NPAS2: variants seen among roughly 807,000 people sequenced by gnomAD.
NPAS2 encodes the protein neuronal PAS domain protein 2, also known as neuronal PAS domain-containing protein 2.
Under a neutral mutation model 107.5 loss-of-function variants are expected in NPAS2, and 23 were observed. That is an observed-to-expected ratio of 0.21 (90% CI 0.15 to 0.30). The LOEUF is 0.30. NPAS2 is among the 10% of genes least tolerant of loss of function. NPAS2 has a pLI of 1.00. For missense variants in NPAS2, 756 were observed against 1,043.3 expected (o/e 0.72, Z 3.79); for synonymous variants, 403 against 417.5 (o/e 0.97, Z 0.42).
At chr2:100,957,586 G>A (rs1012652908) in intron 7 of NPAS2, among the ~76,000 whole-genome samples, 4 of 152,240 alleles carry the variant, frequency 2.6e-5, no homozygotes, top group African/African-American at 9.6e-5. Flanking sequence ...AGCCCCACCT[G>A]ACCACTCTTA....
intron 2 of NPAS2, among the ~76,000 whole-genome samples, chr2:100,916,235 A>T (rs1460386508): frequency 6.6e-6 from 1 of 152,244 alleles, no homozygotes; most frequent in Admixed American, 6.5e-5. Flanking sequence ...TAGAAAATGT[A>T]AATCCAAACA....
intron 2 of NPAS2, among the ~76,000 whole-genome samples, chr2:100,915,770 G>A (rs1019283658): frequency 4.6e-5 from 7 of 152,114 alleles, no homozygotes; most frequent in Admixed American, 1.3e-4. Flanking sequence ...CAAGAGACCT[G>A]CTCTGAGAGA....
intron 1 of NPAS2, among the ~76,000 whole-genome samples, chr2:100,856,352 G>C (rs763876487): frequency 2.0e-5 from 3 of 152,180 alleles, no homozygotes; most frequent in Non-Finnish European, 4.4e-5. Flanking sequence ...CCACATTCCC[G>C]AGCACAGGCT....
chr2:100,841,047 A>G (rs1224468474), intron 1 of NPAS2, among the ~76,000 whole-genome samples: 1 of 152,034 alleles, frequency 6.6e-6, no homozygotes, highest in Non-Finnish European at 1.5e-5. Flanking sequence ...CTGCTTCAGG[A>G]TGTTGTTCTG....
intron 1 of NPAS2, among the ~76,000 whole-genome samples, chr2:100,899,525 G>A (rs976085530): frequency 6.6e-6 from 1 of 152,014 alleles, no homozygotes; most frequent in African/African-American, 2.4e-5. Flanking sequence ...CACCTGGCCT[G>A]GACTTTTCTT....
At chr2:100,989,512 T>C (rs1291806953) in intron 17 of NPAS2, 1 of 152,200 alleles carries the variant, frequency 6.6e-6, no homozygotes, top group Non-Finnish European at 1.5e-5. Context: ...CTATCTGATA[T>C]TGGAAAATTT....
At chr2:100,948,484 A>G in intron 6 of NPAS2, 129 bp downstream of exon 6, 1 of 871,112 alleles carries the variant, frequency 1.1e-6, no homozygotes. Context: ...GAACATTTCC[A>G]AGATCCTTAG....
chr2:100,992,778 G>A lies in NPAS2; in HGVS notation c.2112-569G>A, dbSNP rs548617019. ...GCCCATTTTTTGATTGGGTTGTGTGGGTGTCTTGTTGTGGAGTTGTAGGCA... is the reference window on the plus strand; with the variant it reads ...GCCCATTTTTTGATTGGGTTGTGTGAGTGTCTTGTTGTGGAGTTGTAGGCA... On this transcript the variant is annotated intron_variant, in intron 19 of 20. Transcript: ENST00000335681. 6.6e-5 allele frequency among the ~76,000 whole-genome samples: 10 copies of A among 152,206 alleles called. No homozygotes were observed. The East Asian group carries it at 1.7e-3, about 26-fold the overall frequency.
intron 2 of NPAS2, among the ~76,000 whole-genome samples, chr2:100,909,692 C>CG (rs1216922844): frequency 1.3e-5 from 2 of 150,462 alleles, no homozygotes; most frequent in South Asian, 2.1e-4. Context: ...AGCTCCCACA[C>CG]GGGGGGAAAA....
In NPAS2 at chr2:100,937,249, G is replaced by A. The variant is rs151039780; in HGVS notation, c.274-504G>A. ...AGTTCCTTCAGTGGGCATTTCTCTT[G>A]TGGCAATGAATGTGAGCAGAGGCCT... is the stretch of plus-strand genomic sequence containing the variant. On this transcript the variant is annotated intron_variant, in intron 4 of 20. Coordinates refer to ENST00000335681, the MANE Select transcript of NPAS2 (RefSeq NM_002518.4). Among the ~76,000 whole-genome samples the A allele has an allele frequency of 7.9e-4, 120 of 152,206 alleles. 1 individual carries two copies. Among genetic ancestry groups the A allele is most frequent in the African/African-American group, 2.8e-3 (116 of 41,532 alleles).
intron 1 of NPAS2, among the ~76,000 whole-genome samples, chr2:100,863,541 C>G (rs1679068376): frequency 1.3e-5 from 2 of 152,090 alleles, no homozygotes; most frequent in Admixed American, 1.3e-4. Flanking sequence ...GATGTGAAGC[C>G]CAGCTTGAGC....
chr2:100,877,239 C>T (rs541617477), intron 1 of NPAS2, among the ~76,000 whole-genome samples: 450 of 152,102 alleles, frequency 3.0e-3, no homozygotes, highest in South Asian at 6.9e-3. Context: ...CTGAGGCAGG[C>T]GGATCACGAG....
intron 20 of NPAS2, 181 bp downstream of exon 20, chr2:100,993,708 T>C (rs1558950347): frequency 1.9e-6 from 1 of 535,534 alleles, no homozygotes; most frequent in East Asian, 3.2e-5. Context: ...ATGAAGTCTA[T>C]GTCTACAGAG....
At chr2:100,975,387 T>C (rs1442111767) in intron 13 of NPAS2, 71 bp from the exon 14 acceptor site, 1 of 1,355,174 alleles carries the variant, frequency 7.4e-7, no homozygotes, top group Non-Finnish European at 1.0e-6. Flanking sequence ...ACCACGGTCA[T>C]GGGTCCCCTC....
At position 100,820,980 on chromosome 2, in the gene NPAS2, A is replaced by C; in HGVS notation, c.-23+566A>C. ...CAGACAGCGTGCAGCCTGGCTCCTC[A>C]CGTCGCTGCCGCCCCCCCACCCCAA... On this transcript the variant is annotated intron_variant, in intron 1 of 20. Coordinates refer to ENST00000335681, the MANE Select transcript of NPAS2 (RefSeq NM_002518.4). The surrounding 1 kb of genome is among the most constrained non-coding windows in gnomAD (Gnocchi z 5.6). 3 of 1,233,888 alleles carry C rather than the reference A, an allele frequency of 2.4e-6. No homozygotes were observed. The highest frequency in any genetic ancestry group is 2.1e-6 in the Non-Finnish European group (2 of 941,376). The allele number at this position is 1,233,888 out of a possible 1,614,324, so 76.4% of individuals were successfully genotyped here.
At position 100,964,929 on chromosome 2, in the gene NPAS2, A is replaced by G; in HGVS notation, c.786A>G (p.Leu262=). 1 of 1,572,776 alleles carries G rather than the reference A, an allele frequency of 6.4e-7. No individual in the cohort carries two copies. The highest frequency in any genetic ancestry group is 8.6e-7 in the Non-Finnish European group (1 of 1,168,736). ...GGCATAGCTTGGAATGGAAATTTTTATTTCTGGATCACAGGTTTGAGAAAA... is the reference window on the plus strand; with the variant it reads ...GGCATAGCTTGGAATGGAAATTTTTGTTTCTGGATCACAGGTTTGAGAAAA... ...TSRHSLEWKF[L]FLDHRAPPII... The change falls in exon 9 of 21, where the codon TTA becomes TTG. Residue 262 remains leucine (L), a synonymous_variant. Transcript: ENST00000335681.
At chr2:100,845,819 A>T (rs1420042075) in intron 1 of NPAS2, among the ~76,000 whole-genome samples, 1 of 152,140 alleles carries the variant, frequency 6.6e-6, no homozygotes, top group East Asian at 1.9e-4. Flanking sequence ...TCATCTAGGG[A>T]TCCCCTGACA....
intron 1 of NPAS2, among the ~76,000 whole-genome samples, chr2:100,887,481 G>A (rs191801765): frequency 6.6e-6 from 1 of 152,180 alleles, no homozygotes; most frequent in African/African-American, 2.4e-5. Context: ...GGGAGAGGAC[G>A]TCATGCAGGC....
intron 1 of NPAS2, among the ~76,000 whole-genome samples, chr2:100,876,564 T>G (rs956298562): frequency 2.0e-5 from 3 of 152,210 alleles, no homozygotes; most frequent in Non-Finnish European, 2.9e-5. Flanking sequence ...CCAGCTGTAT[T>G]TGGAGACTAT....
Sources: gnomAD v4.1 joint callset for allele counts (sites outside exome capture counted in the v4.1 genomes callset) on GRCh38, gnomAD v4.1.1 for gene constraint, Gnocchi (gnomAD v3.1) non-coding constraint, MANE v1.5 for transcripts, NCBI Gene and HGNC (gene_info 2026-07-23, HGNC 2026-07-21) for gene names.